Variants in SOX6 observed in about 807,000 individuals in gnomAD.
The protein encoded by SOX6 is transcription factor SOX-6.
SOX6 carries 11 observed loss-of-function variants against 97.8 expected under a neutral mutation model. That is an observed-to-expected ratio of 0.11 (90% confidence interval 0.07 to 0.19). The LOEUF (loss-of-function observed/expected upper bound fraction) is 0.19, where lower values mean the gene tolerates loss of function less well. SOX6 is among the 10% of genes least tolerant of loss of function. SOX6 has a pLI of 1.00. For synonymous variants in SOX6, 360 were observed against 371.4 expected, an observed-to-expected ratio of 0.97 and a Z score of 0.35; for missense variants, 810 against 1,039.5, an observed-to-expected ratio of 0.78 and a Z score of 3.04.
chr11:16,728,684 A>T (rs766034392), intron 2 of SOX6, among the ~76,000 whole-genome samples: 1 of 152,240 alleles, frequency 6.6e-6, no homozygotes, highest in Non-Finnish European at 1.5e-5. Context: ...CCTCCAAAGG[A>T]TCACAACTCC....
chr11:16,644,395 A>G (rs1306045074), intron 3 of SOX6, among the ~76,000 whole-genome samples: 2 of 152,166 alleles, frequency 1.3e-5, no homozygotes, highest in African/African-American at 4.8e-5. Flanking sequence ...CCTAGCAACA[A>G]AGTAGGCTGA....
intron 4 of SOX6, among the ~76,000 whole-genome samples, chr11:16,221,765 T>TATTA: frequency 6.6e-6 from 1 of 152,268 alleles, no homozygotes; most frequent in East Asian, 1.9e-4. Flanking sequence ...TTGGTGGTGA[T>TATTA]ATTAATGAAT....
intron 13 of SOX6, among the ~76,000 whole-genome samples, chr11:16,011,009 AG>A (rs1206355536): frequency 5.9e-5 from 9 of 152,064 alleles, no homozygotes; most frequent in Non-Finnish European, 1.3e-4. Context: ...TTAAGCCCAG[AG>A]GTTCTTGTTT....
intron 3 of SOX6, among the ~76,000 whole-genome samples, chr11:16,287,772 A>G (rs933290736): frequency 1.3e-5 from 2 of 152,096 alleles, no homozygotes; most frequent in Non-Finnish European, 2.9e-5. Context: ...AATTCCTGGT[A>G]TACTCATTTA....
intron 6 of SOX6, among the ~76,000 whole-genome samples, chr11:16,138,822 T>A (rs1032591965): frequency 1.3e-5 from 2 of 152,112 alleles, no homozygotes; most frequent in Non-Finnish European, 2.9e-5. Context: ...GTCCTTGCGA[T>A]AGTTTGCTGA....
At chr11:16,355,485 C>T (rs1590153006) in intron 1 of SOX6, among the ~76,000 whole-genome samples, 3 of 151,984 alleles carry the variant, frequency 2.0e-5, no homozygotes, top group South Asian at 4.1e-4. Context: ...GCATTAAATA[C>T]TATAAATCTC....
intron 4 of SOX6, among the ~76,000 whole-genome samples, chr11:16,564,092 TA>T (rs944883991): frequency 6.6e-6 from 1 of 151,440 alleles, no homozygotes. Context: ...AGACCCACTC[TA>T]AAAAAAATGA....
chr11:16,257,261 G>A (rs531039639), intron 3 of SOX6, among the ~76,000 whole-genome samples: 2 of 151,856 alleles, frequency 1.3e-5, no homozygotes, highest in South Asian at 4.1e-4. Flanking sequence ...ACTTACTATT[G>A]AAGAAGAACA....
chr11:16,410,337 T>C (rs1297403685), intron 1 of SOX6, among the ~76,000 whole-genome samples: 1 of 152,104 alleles, frequency 6.6e-6, no homozygotes, highest in Non-Finnish European at 1.5e-5. Flanking sequence ...TCCCTAAGTG[T>C]TTGTGTAGGT....
At chr11:16,366,058 G>A (rs1857351615) in intron 1 of SOX6, among the ~76,000 whole-genome samples, 1 of 152,118 alleles carries the variant, frequency 6.6e-6, no homozygotes, top group African/African-American at 2.4e-5. Flanking sequence ...CGAACAAGTG[G>A]TCATGACTTT....
chr11:16,530,331 T>C (rs1861222041), intron 4 of SOX6, among the ~76,000 whole-genome samples: 1 of 152,028 alleles, frequency 6.6e-6, no homozygotes, highest in African/African-American at 2.4e-5. Context: ...ATATAAACAT[T>C]TTTTTAAAGT....
intron 1 of SOX6, among the ~76,000 whole-genome samples, chr11:16,410,452 G>T (rs745625188): frequency 6.6e-6 from 1 of 151,900 alleles, no homozygotes; most frequent in Non-Finnish European, 1.5e-5. Context: ...CATTAAATTC[G>T]TTTTTAAAAG....
At chr11:16,710,071 G>T (rs1848166145) in intron 3 of SOX6, among the ~76,000 whole-genome samples, 1 of 152,058 alleles carries the variant, frequency 6.6e-6, no homozygotes, top group Admixed American at 6.6e-5. Flanking sequence ...AAAAGAGAGG[G>T]TATCTTGGAT....
chr11:16,080,188 A>C (rs1189190099), intron 9 of SOX6, among the ~76,000 whole-genome samples: 1 of 151,432 alleles, frequency 6.6e-6, no homozygotes, highest in Non-Finnish European at 1.5e-5. Flanking sequence ...CATAGATCAA[A>C]ACATCACACT....
intron 6 of SOX6, among the ~76,000 whole-genome samples, chr11:16,113,590 A>G (rs1474639636): frequency 1.3e-5 from 2 of 152,174 alleles, no homozygotes; most frequent in Non-Finnish European, 2.9e-5. Flanking sequence ...AATAAAACAC[A>G]ATATTTTTAT....
intron 1 of SOX6, among the ~76,000 whole-genome samples, chr11:16,346,416 G>A (rs1856777679): frequency 6.6e-6 from 1 of 151,958 alleles, no homozygotes; most frequent in South Asian, 2.1e-4. Flanking sequence ...GGGAAGGGAG[G>A]ATGGCATGGT....
intron 1 of SOX6, among the ~76,000 whole-genome samples, chr11:16,373,859 GGA>G (rs1857566248): frequency 1.3e-5 from 1 of 75,026 alleles, no homozygotes; most frequent in African/African-American, 5.4e-5. Flanking sequence ...AAGGAAGGAA[GGA>G]AGGAAGGAAG....
chr11:16,032,324 G>A (rs1855399654), intron 12 of SOX6, among the ~76,000 whole-genome samples: 1 of 152,174 alleles, frequency 6.6e-6, no homozygotes, highest in East Asian at 1.9e-4. Flanking sequence ...TCTATAATGG[G>A]GGCTAATAAA....
intron 4 of SOX6, among the ~76,000 whole-genome samples, chr11:16,492,810 G>T (rs1233117084): frequency 5.3e-5 from 8 of 151,988 alleles, no homozygotes; most frequent in East Asian, 1.9e-4. Flanking sequence ...ATAGAAAAAT[G>T]GAACCAAAAA....
Sources: allele counts gnomAD v4.1 joint callset (sites outside exome capture counted in the v4.1 genomes callset), GRCh38; gene constraint gnomAD v4.1.1; transcripts MANE v1.5; gene names NCBI Gene and HGNC (gene_info 2026-07-23, HGNC 2026-07-21).